NRG1: variants seen among roughly 807,000 people sequenced by gnomAD.
NRG1 encodes the protein neuregulin 1.
Under a neutral mutation model 63.8 loss-of-function variants are expected in NRG1, and 18 were observed. The ratio of observed to expected loss-of-function variants is 0.28; its 90% CI spans 0.19 to 0.42. The LOEUF (loss-of-function observed/expected upper bound fraction) is 0.42. NRG1 is among the 10% of genes least tolerant of loss of function. The probability of loss-of-function intolerance (pLI) is 1.00; values close to 1 mark genes in which losing one functional copy is unlikely to be tolerated. For missense variants in NRG1, 762 were observed against 814.7 expected, an observed-to-expected ratio of 0.94 and a Z score of 0.79; for synonymous variants, 302 against 301.3, an observed-to-expected ratio of 1.00 and a Z score of -0.02.
rs1848936480 is a variant in NRG1 at position 32,249,985 on chromosome 8, G to A, written c.38-345843G>A. Among the ~76,000 whole-genome samples the A allele has an allele frequency of 3.3e-5, 5 of 152,062 alleles. No homozygotes were observed. The South Asian group carries it at 8.3e-4, about 25-fold the overall frequency. On this transcript the variant is annotated intron_variant, in intron 1 of 10. Transcript: ENST00000519301. ...AAGTCATGAAGAAGGGTGGAGATGG[G>A]TCTTATCTCAGAATATGGGAAGGCA...
chr8:31,890,095 C>A (rs554091495), intron 1 of NRG1, among the ~76,000 whole-genome samples: 1 of 152,092 alleles, frequency 6.6e-6, no homozygotes, highest in Non-Finnish European at 1.5e-5. Context: ...TGGTCTCTAT[C>A]CAATTGATGT....
intron 5 of NRG1, among the ~76,000 whole-genome samples, chr8:32,699,641 A>G (rs1306907616): frequency 6.6e-6 from 1 of 152,284 alleles, no homozygotes; most frequent in Non-Finnish European, 1.5e-5. Context: ...TTTACTTCTT[A>G]TTTTATGTCA....
chr8:32,690,915 G>A (rs566480077), intron 5 of NRG1, among the ~76,000 whole-genome samples: 2 of 148,704 alleles, frequency 1.3e-5, no homozygotes, highest in South Asian at 4.3e-4. Flanking sequence ...ATGGAAACTT[G>A]GAGATTTTAT....
chr8:32,529,012 C>T (rs1486977813), intron 1 of NRG1, among the ~76,000 whole-genome samples: 1 of 152,174 alleles, frequency 6.6e-6, no homozygotes, highest in Non-Finnish European at 1.5e-5. Flanking sequence ...TGGCTACGTT[C>T]TGAGAAATGT....
At chr8:32,098,254 G>T (rs1474708294) in intron 1 of NRG1, among the ~76,000 whole-genome samples, 2 of 152,208 alleles carry the variant, frequency 1.3e-5, no homozygotes, top group African/African-American at 2.4e-5. Context: ...GGACAGGATA[G>T]TTGCAGAGAG....
At chr8:32,601,486 T>C (rs1272097192) in intron 2 of NRG1, among the ~76,000 whole-genome samples, 1 of 152,160 alleles carries the variant, frequency 6.6e-6, no homozygotes, top group South Asian at 2.1e-4. Context: ...TTCTATGTAA[T>C]ATCATTCAAA....
At chr8:32,116,228 C>T (rs544384115) in intron 1 of NRG1, among the ~76,000 whole-genome samples, 27 of 152,224 alleles carry the variant, frequency 1.8e-4, no homozygotes, top group Middle Eastern at 3.4e-3. Flanking sequence ...TCCTCCTGTA[C>T]GACCTAAAAC....
At chr8:32,304,520 CA>C (rs1855974419) in intron 1 of NRG1, among the ~76,000 whole-genome samples, 1 of 151,618 alleles carries the variant, frequency 6.6e-6, no homozygotes, top group Non-Finnish European at 1.5e-5. Flanking sequence ...GTAAAACTTT[CA>C]AAAAAATCCT....
intron 1 of NRG1, among the ~76,000 whole-genome samples, chr8:32,125,667 G>C (rs1833977622): frequency 6.6e-6 from 1 of 151,756 alleles, no homozygotes; most frequent in South Asian, 2.1e-4. Context: ...TTATTCAATT[G>C]CTTCCTTGAT....
At chr8:31,697,896 CTT>C (rs5890596) in intron 1 of NRG1, among the ~76,000 whole-genome samples, 10 of 143,100 alleles carry the variant, frequency 7.0e-5, no homozygotes, top group African/African-American at 7.7e-5. Flanking sequence ...CTCTTTCTTT[CTT>C]TTTTTTTTTT....
intron 1 of NRG1, among the ~76,000 whole-genome samples, chr8:32,087,123 G>T (rs775167356): frequency 2.0e-5 from 3 of 152,082 alleles, no homozygotes; most frequent in Non-Finnish European, 4.4e-5. Context: ...CATTGATAAT[G>T]GTTTGGATGT....
intron 1 of NRG1, among the ~76,000 whole-genome samples, chr8:31,653,384 G>A (rs114834381): frequency 0.013 from 1,943 of 152,164 alleles, 26 homozygotes; most frequent in Middle Eastern, 0.061. Flanking sequence ...CAAGTAAAAT[G>A]CGATAGTTTA....
intron 1 of NRG1, among the ~76,000 whole-genome samples, chr8:31,710,192 T>C (rs1274944672): frequency 6.6e-6 from 1 of 151,856 alleles, no homozygotes; most frequent in African/African-American, 2.4e-5. Context: ...AAAATTACCA[T>C]GAGAAAATTT....
chr8:31,830,729 T>G (rs1473311834), intron 1 of NRG1, among the ~76,000 whole-genome samples: 1 of 151,960 alleles, frequency 6.6e-6, no homozygotes, highest in Non-Finnish European at 1.5e-5. Context: ...TACCTGTTGG[T>G]ATACCTACTC....
At chr8:32,094,792 T>C (rs1244181610) in intron 1 of NRG1, among the ~76,000 whole-genome samples, 1 of 151,958 alleles carries the variant, frequency 6.6e-6, no homozygotes, top group Non-Finnish European at 1.5e-5. Flanking sequence ...CAAAAGTTTA[T>C]TTTTTAATAA....
chr8:32,553,029 T>TTTTATTAG (rs1330116130), intron 1 of NRG1, among the ~76,000 whole-genome samples: 4 of 152,324 alleles, frequency 2.6e-5, no homozygotes, highest in African/African-American at 9.6e-5. Context: ...GAAAATTCCT[T>TTTTATTAG]GCTATTAGGC....
chr8:32,155,904 C>T (rs961977953), intron 1 of NRG1, among the ~76,000 whole-genome samples: 1 of 152,140 alleles, frequency 6.6e-6, no homozygotes, highest in Non-Finnish European at 1.5e-5. Context: ...AATTTATCCA[C>T]TTTTCTCTCT....
At chr8:32,220,596 G>A (rs1024152276) in intron 1 of NRG1, among the ~76,000 whole-genome samples, 2 of 152,248 alleles carry the variant, frequency 1.3e-5, no homozygotes, top group Middle Eastern at 6.8e-3. Context: ...TTCAAAGGAG[G>A]GGAAAATATA....
chr8:31,678,613 T>C (rs973307862), intron 1 of NRG1, among the ~76,000 whole-genome samples: 8 of 151,632 alleles, frequency 5.3e-5, no homozygotes, highest in Non-Finnish European at 1.0e-4. Flanking sequence ...TCTGATGACA[T>C]TTACTTTGAA....
Sources: gnomAD v4.1 joint callset for allele counts (sites outside exome capture counted in the v4.1 genomes callset) on GRCh38, gnomAD v4.1.1 for gene constraint, MANE v1.5 for transcripts, NCBI Gene and HGNC (gene_info 2026-07-23, HGNC 2026-07-21) for gene names.